Variants in PMEPA1 observed in about 807,000 individuals in gnomAD.
PMEPA1 encodes prostate transmembrane protein, androgen induced 1.
In PMEPA1, 11 loss-of-function variants were observed where a neutral mutation model predicts 23.0. The observed-to-expected ratio is 0.48, with a 90% CI of 0.30 to 0.79. PMEPA1 has a LOEUF of 0.79. PMEPA1 is among the 30% of genes least tolerant of loss of function. The pLI, the probability that PMEPA1 is intolerant of heterozygous loss-of-function variation, is 0.06. For missense variants in PMEPA1, 377 were observed against 390.9 expected, an observed-to-expected ratio of 0.96 and a Z score of 0.30; for synonymous variants, 204 against 166.4, an observed-to-expected ratio of 1.23 and a Z score of -1.74.
intron 1 of PMEPA1, among the ~76,000 whole-genome samples, chr20:57,680,275 G>T (rs370561361): frequency 1.3e-5 from 2 of 152,224 alleles, no homozygotes; most frequent in Admixed American, 1.3e-4. Context: ...GTCAACACCC[G>T]CATTCTGCAG....
rs927001993 is a variant in PMEPA1 at position 57,683,928 on chromosome 20, G to A, written c.110-24231C>T. Among the ~76,000 whole-genome samples, 2 of 152,136 alleles carry A rather than the reference G, an allele frequency of 1.3e-5. No homozygotes were observed. Among genetic ancestry groups the A allele is most frequent in the Non-Finnish European group, 2.9e-5 (2 of 68,034 alleles). ...CTGCCTGTGGGCTGTCTGTTTTGGG[G>A]GTAGAAATAAAAAGATCTGGCCAAG... On this transcript the variant is annotated intron_variant, in intron 1 of 3. Transcript: ENST00000341744. This position sits in a 1 kb window ranked among gnomAD's most constrained non-coding sequence, Gnocchi z 4.3.
chr20:57,705,959 A>G (rs2072079485), intron 1 of PMEPA1, among the ~76,000 whole-genome samples: 1 of 152,162 alleles, frequency 6.6e-6, no homozygotes, highest in Non-Finnish European at 1.5e-5. Flanking sequence ...CCCTCACTTG[A>G]TTCAAGCAAG....
At chr20:57,674,933 A>G (rs115236442) in intron 1 of PMEPA1, among the ~76,000 whole-genome samples, 1 of 152,330 alleles carries the variant, frequency 6.6e-6, no homozygotes, top group African/African-American at 2.4e-5. Flanking sequence ...ATGAATGTGG[A>G]CATACGAGGA....
chr20:57,671,372 T>G (rs1291469999), intron 1 of PMEPA1, among the ~76,000 whole-genome samples: 2 of 151,842 alleles, frequency 1.3e-5, no homozygotes, highest in Non-Finnish European at 1.5e-5. Flanking sequence ...CGTGGGTGAG[T>G]GAGTCCGTGG....
rs955148121 is a variant in PMEPA1 at position 57,704,953 on chromosome 20, C to T, written c.109+4521G>A. On this transcript the variant is annotated intron_variant, in intron 1 of 3. Transcript: ENST00000341744. The surrounding 1 kb of genome is among the most constrained non-coding windows in gnomAD (Gnocchi z 4.6). Reference sequence around the variant, plus strand: ...CTCCTGGGCAGCGGCACACAGGGGTCCACCTTCCTTCTTTTATGGAGAGGG... The same window carrying T: ...CTCCTGGGCAGCGGCACACAGGGGTTCACCTTCCTTCTTTTATGGAGAGGG... Among the ~76,000 whole-genome samples the T allele has an allele frequency of 3.3e-5, 5 of 152,178 alleles. No homozygotes were observed. Among genetic ancestry groups the T allele is most frequent in the African/African-American group, 1.2e-4 (5 of 41,446 alleles).
intron 1 of PMEPA1, chr20:57,690,332 C>T (rs1164386057): frequency 7.5e-6 from 7 of 928,104 alleles, no homozygotes; most frequent in Non-Finnish European, 1.1e-5. Context: ...CACTGCCACC[C>T]GCCCTGCATC....
chr20:57,668,869 C>T (rs1253889641), intron 1 of PMEPA1, among the ~76,000 whole-genome samples: 1 of 152,232 alleles, frequency 6.6e-6, no homozygotes, highest in Non-Finnish European at 1.5e-5. Context: ...TTGCTCCCTT[C>T]ATTGCCTTGA....
chr20:57,672,515 T>C (rs536275958), intron 1 of PMEPA1, among the ~76,000 whole-genome samples: 20 of 152,354 alleles, frequency 1.3e-4, no homozygotes, highest in Admixed American at 5.9e-4. Context: ...CGGGGCCTCA[T>C]TGATGCCCGC....
At chr20:57,690,735 G>A (rs975404536) in intron 1 of PMEPA1, 165 of 375,584 alleles carry the variant, frequency 4.4e-4, no homozygotes, top group Non-Finnish European at 4.7e-4. Context: ...ACGCCCAGCC[G>A]ACCCCCACCT....
At chr20:57,701,924 A>G (rs2072016729) in intron 1 of PMEPA1, among the ~76,000 whole-genome samples, 1 of 152,170 alleles carries the variant, frequency 6.6e-6, no homozygotes, top group Admixed American at 6.5e-5. Flanking sequence ...GAAAGCAGAC[A>G]TGGCACAGCT....
At chr20:57,661,096 G>A (rs149456685) in intron 1 of PMEPA1, among the ~76,000 whole-genome samples, 1 of 152,368 alleles carries the variant, frequency 6.6e-6, no homozygotes, top group East Asian at 1.9e-4. Flanking sequence ...CCAGATGGCT[G>A]CGGATGTTGC....
At chr20:57,661,509 C>T (rs1904729709) in intron 1 of PMEPA1, among the ~76,000 whole-genome samples, 1 of 152,180 alleles carries the variant, frequency 6.6e-6, no homozygotes, top group African/African-American at 2.4e-5. Context: ...CTGGCACTAA[C>T]AAGCAATTAG....
chr20:57,654,799 G>A (rs774000578), intron 2 of PMEPA1, among the ~76,000 whole-genome samples: 20 of 152,140 alleles, frequency 1.3e-4, no homozygotes, highest in African/African-American at 2.7e-4. Flanking sequence ...GAGGGCTGGC[G>A]AGCCTGCGTG....
In PMEPA1 at chr20:57,649,033, A is replaced by T. The variant is rs2146626681; in HGVS notation, c.*3020T>A. On this transcript the variant is annotated 3_prime_UTR_variant, in exon 4 of 4. Coordinates refer to ENST00000341744, the MANE Select transcript of PMEPA1 (RefSeq NM_020182.5). ...TGTAGAACCGGGCTTTGCAGGGGAG[A>T]TAATTTTCCTCCTCTGGAGGAAAGG... The T allele has an allele frequency of 6.6e-6, 1 of 152,096 alleles. No homozygotes were observed. The highest frequency in any genetic ancestry group is 2.4e-5 in the African/African-American group (1 of 41,462). The allele number at this position is 152,096 out of a possible 1,614,324, so 9.4% of individuals were successfully genotyped here.
intron 1 of PMEPA1, among the ~76,000 whole-genome samples, chr20:57,661,804 G>C (rs1309494263): frequency 6.6e-6 from 1 of 152,226 alleles, no homozygotes. Flanking sequence ...GTCACTGTCT[G>C]TGAAGTGGCA....
intron 1 of PMEPA1, among the ~76,000 whole-genome samples, chr20:57,687,894 T>C (rs1036933499): frequency 1.3e-5 from 2 of 152,232 alleles, no homozygotes; most frequent in Non-Finnish European, 2.9e-5. Context: ...TCCTGAGCCA[T>C]GAGCTCTCTC....
At chr20:57,703,820 C>T (rs2146714226) in intron 1 of PMEPA1, among the ~76,000 whole-genome samples, 1 of 152,172 alleles carries the variant, frequency 6.6e-6, no homozygotes, top group East Asian at 1.9e-4. Flanking sequence ...GTCCAATCCG[C>T]CCCACCATCA....
intron 1 of PMEPA1, among the ~76,000 whole-genome samples, chr20:57,707,621 G>T (rs907688877): frequency 6.7e-6 from 1 of 150,268 alleles, no homozygotes; most frequent in African/African-American, 2.5e-5. Context: ...ATGAGCCTAA[G>T]AAAGGACAGA....
At position 57,709,562 on chromosome 20, in the gene PMEPA1, G is replaced by C; in HGVS notation, c.21C>G (p.Val7=). 1 of 1,070,758 alleles carries C rather than the reference G, an allele frequency of 9.3e-7. No individual in the cohort carries two copies. The highest frequency in any genetic ancestry group is 1.7e-5 in the African/African-American group (1 of 57,642). The allele number at this position is 1,070,758 out of a possible 1,614,324, so 66.3% of individuals were successfully genotyped here. Residue 7 remains valine, a synonymous_variant, in exon 1 of 4, where the codon GTC becomes GTG. Transcript: ENST00000341744. MHRLMG[V]NSTAAAAAGQ... ...CGGCGGCGGCGGCGGCGGTGCTGTT[G>C]ACCCCCATCAAGCGGTGCATGGACG...
Sources: gnomAD v4.1 joint callset for allele counts (sites outside exome capture counted in the v4.1 genomes callset) on GRCh38, gnomAD v4.1.1 for gene constraint, Gnocchi (gnomAD v3.1) non-coding constraint, MANE v1.5 for transcripts, NCBI Gene and HGNC (gene_info 2026-07-23, HGNC 2026-07-21) for gene names.